WTIP: variants seen among roughly 807,000 people sequenced by gnomAD.
WTIP encodes WT1 interacting protein.
Under a neutral mutation model 41.7 loss-of-function variants are expected in WTIP, and 23 were observed. The observed-to-expected ratio is 0.55, with a 90% CI of 0.40 to 0.78. The LOEUF (loss-of-function observed/expected upper bound fraction) is 0.78, where lower values mean the gene tolerates loss of function less well. WTIP is among the 30% of genes least tolerant of loss of function. The probability of loss-of-function intolerance (pLI) is 0.00; values close to 1 mark genes in which losing one functional copy is unlikely to be tolerated. For synonymous variants in WTIP, 314 were observed against 269.9 expected (o/e 1.16, Z -1.60); for missense variants, 619 against 610.5 (o/e 1.01, Z -0.15).
In WTIP at chr19:34,506,092, C is replaced by T. The variant is rs549157930; in HGVS notation, c.*5823C>T. 1 of 152,390 alleles carries T rather than the reference C, an allele frequency of 6.6e-6. No homozygotes were observed. Among genetic ancestry groups the T allele is most frequent in the East Asian group, 1.9e-4 (1 of 5,182 alleles). 9.4% of individuals were successfully genotyped at this position (152,390 alleles called of 1,614,324 possible). A position where few individuals can be genotyped will look rare whatever the true frequency, so the allele number is the denominator to read the frequency against. ...TGCCCAGCCTAGTTCCCTTTCTCTTCTGCGCTCTGAATGTGCACTCCGCGT... is the reference window on the plus strand; with the variant it reads ...TGCCCAGCCTAGTTCCCTTTCTCTTTTGCGCTCTGAATGTGCACTCCGCGT... On this transcript the variant is annotated 3_prime_UTR_variant, in exon 8 of 8. Transcript: ENST00000590071.
In WTIP at chr19:34,506,189, T is replaced by C. The variant is rs573676377; in HGVS notation, c.*5920T>C. ...CGGAGCCTCTCTCGGAGGTGATGAGTGACTTTTCTCTTGCTGCCGTCAAGA... is the reference window on the plus strand; with the variant it reads ...CGGAGCCTCTCTCGGAGGTGATGAGCGACTTTTCTCTTGCTGCCGTCAAGA... On this transcript the variant is annotated 3_prime_UTR_variant, in exon 8 of 8. Transcript: ENST00000590071. 2 of 152,284 alleles carry C rather than the reference T, an allele frequency of 1.3e-5. No individual in the cohort carries two copies. The highest frequency in any genetic ancestry group is 2.4e-5 in the African/African-American group (1 of 41,532). The allele number at this position is 152,284 out of a possible 1,614,324, so 9.4% of individuals were successfully genotyped here.
chr19:34,486,452 C>T (rs1216104387), intron 1 of WTIP, among the ~76,000 whole-genome samples: 4 of 151,646 alleles, frequency 2.6e-5, no homozygotes, highest in African/African-American at 9.7e-5. Flanking sequence ...ACCGCAACCT[C>T]CGCCTCCCAG....
At chr19:34,482,752 G>T in intron 1 of WTIP, 111 bp downstream of exon 1, 4 of 1,200,404 alleles carry the variant, frequency 3.3e-6, no homozygotes, top group Non-Finnish European at 4.1e-6. Flanking sequence ...GGCTGGCTGG[G>T]GGTGCAGCAG....
chr19:34,482,157 C>A lies in WTIP; in HGVS notation c.183C>A (p.Ala61=). 9.3e-7 allele frequency: 1 copy of A among 1,073,698 alleles called. No individual in the cohort carries two copies. Among genetic ancestry groups the A allele is most frequent in the African/African-American group, 1.7e-5 (1 of 58,964 alleles). The allele number at this position is 1,073,698 out of a possible 1,614,324, so 66.5% of individuals were successfully genotyped here. ...GGAAGGGCAGCGGCGGCCCCGAGGCCGGGGCGGACGGACTGAGCCGCGGGG... is the reference window on the plus strand; with the variant it reads ...GGAAGGGCAGCGGCGGCCCCGAGGCAGGGGCGGACGGACTGAGCCGCGGGG... ...RRGKGSGGPE[A]GADGLSRGER... is the part of the protein sequence containing the mutation. Residue 61 remains alanine, a synonymous_variant, in exon 1 of 8, where the codon GCC becomes GCA. Coordinates refer to ENST00000590071, the MANE Select transcript of WTIP (RefSeq NM_001080436.2).
intron 1 of WTIP, among the ~76,000 whole-genome samples, chr19:34,484,922 C>A (rs1367139258): frequency 7.1e-6 from 1 of 140,080 alleles, no homozygotes; most frequent in Admixed American, 7.1e-5. Flanking sequence ...AGAGTGAGAT[C>A]CTGTCTTTTC....
chr19:34,496,683 G>A (rs2075855700), intron 7 of WTIP, among the ~76,000 whole-genome samples: 1 of 151,052 alleles, frequency 6.6e-6, no homozygotes, highest in South Asian at 2.1e-4. Context: ...GTTGGGGGTT[G>A]GGGGTTGGGA....
intron 7 of WTIP, 68 bp downstream of exon 7, chr19:34,495,839 G>T: frequency 6.6e-7 from 1 of 1,525,542 alleles, no homozygotes; most frequent in Non-Finnish European, 9.0e-7. Flanking sequence ...TCCTCTCTGG[G>T]TGTTCTGTGG....
rs2075772144 is a variant in WTIP, at chr19:34,482,369, C to G, written c.395C>G (p.Pro132Arg). 7.3e-7 allele frequency: 1 copy of G among 1,376,798 alleles called. No individual in the cohort carries two copies. Among genetic ancestry groups the G allele is most frequent in the Admixed American group, 3.0e-5 (1 of 33,872 alleles). The allele number at this position is 1,376,798 out of a possible 1,614,324, so 85.3% of individuals were successfully genotyped here. A position where few individuals can be genotyped will look rare whatever the true frequency, so the allele number is the denominator to read the frequency against. ...GGTCGCTCGGACCCGCGTCCCGGTC[C>G]CGGGCCGCCTTCGGTGGGCAGCGCC... ...RSGRSDPRPGPGPPSVGSARS... is the reference protein window; with the variant it reads ...RSGRSDPRPGRGPPSVGSARS... The change falls in exon 1 of 8, where the codon CCC (proline) becomes CGC (arginine). Residue 132 changes from proline to arginine, a missense_variant. Physicochemically the swap from Pro to Arg is moderately radical, Grantham distance 103. Around this residue, in one of 3 missense-constraint regions of WTIP, gnomAD observed 363 missense variants for 309.0 expected, o/e 1.17. Transcript: ENST00000590071.
Position 34,489,197 on chromosome 19 carries a change from T to TAAAAA in WTIP, c.668-1159_668-1155dup, listed in dbSNP as rs57433723. Among the ~76,000 whole-genome samples, 130 of 61,942 alleles carry TAAAAA rather than the reference T, an allele frequency of 2.1e-3. 6 individuals are homozygous for TAAAAA. Among genetic ancestry groups the TAAAAA allele is most frequent in the African/African-American group, 6.6e-3 (85 of 12,950 alleles). 40.6% of individuals were successfully genotyped at this position (61,942 alleles called of 152,430 possible). Reference sequence around the variant, plus strand: ...CTGGGCGACAGAGCGAGACTCTATCTAAAAAAAAAAAAAAAAAAAAAAAAT... The same window carrying TAAAAA: ...CTGGGCGACAGAGCGAGACTCTATCTAAAAAAAAAAAAAAAAAAAAAAAAAAAAAT... On this transcript the variant is annotated intron_variant, in intron 1 of 7. Transcript: ENST00000590071.
rs370072247 is a variant in WTIP, at chr19:34,490,467, C to T, written c.759C>T (p.Cys253=). Residue 253 remains cysteine, a synonymous_variant, in exon 2 of 8, where the codon TGC becomes TGT. Transcript: ENST00000590071. ...GSLYHTDCFT[C]DSCGRRLRGK... ...TTTATCACACTGACTGCTTCACCTG[C>T]GACTCGTGTGGTAGGTAACCTCGTG... The T allele has an allele frequency of 2.4e-5, 38 of 1,613,894 alleles. No individual in the cohort carries two copies. Among genetic ancestry groups the T allele is most frequent in the Non-Finnish European group, 2.8e-5 (33 of 1,179,844 alleles).
intron 1 of WTIP, among the ~76,000 whole-genome samples, chr19:34,489,294 C>T (rs536159112): frequency 8.6e-5 from 13 of 151,464 alleles, no homozygotes; most frequent in Non-Finnish European, 1.6e-4. Context: ...ACCTTCCACT[C>T]GATGCAAGCT....
Position 34,508,056 on chromosome 19 carries a change from T to G in WTIP, c.*7787T>G, listed in dbSNP as rs1239364370. ...GTCCTCTAAGGATCCCTCCTCATTC[T>G]CTGTTAGTGTGAGGTGGGACTTTTT... On this transcript the variant is annotated 3_prime_UTR_variant, in exon 8 of 8. Transcript: ENST00000590071. 1 of 152,130 alleles carries G rather than the reference T, an allele frequency of 6.6e-6. No homozygotes were observed. Among genetic ancestry groups the G allele is most frequent in the African/African-American group, 2.4e-5 (1 of 41,418 alleles). 9.4% of individuals were successfully genotyped at this position (152,130 alleles called of 1,614,324 possible).
Position 34,482,375 on chromosome 19 carries a change from C to G in WTIP, c.401C>G (p.Pro134Arg). Residue 134 changes from proline (P) to arginine (R), a missense_variant, in exon 1 of 8, where the codon CCG (proline) becomes CGG (arginine). This residue lies in a region of WTIP where 363 missense variants were observed against 309.0 expected (regional missense o/e 1.17). Transcript: ENST00000590071. ...TCGGACCCGCGTCCCGGTCCCGGGC[C>G]GCCTTCGGTGGGCAGCGCCCGCTCC... ...GRSDPRPGPG[P>R]PSVGSARSSV... The G allele has an allele frequency of 7.3e-7, 1 of 1,374,330 alleles. No homozygotes were observed. The highest frequency in any genetic ancestry group is 9.4e-7 in the Non-Finnish European group (1 of 1,061,060). 85.1% of individuals were successfully genotyped at this position (1,374,330 alleles called of 1,614,324 possible).
In WTIP at chr19:34,501,764, CA is replaced by C. The variant is rs2075888120; in HGVS notation, c.*1496del. On this transcript the variant is annotated 3_prime_UTR_variant, in exon 8 of 8. Coordinates refer to ENST00000590071, the MANE Select transcript of WTIP (RefSeq NM_001080436.2). ...ACCTGGTGGGCTGAGCCGGCAAGTA[CA>C]GGGGTGGTCAGGGAGCCTTAGCCAG... The C allele has an allele frequency of 6.6e-6, 1 of 152,412 alleles. No individual in the cohort carries two copies. Among genetic ancestry groups the C allele is most frequent in the African/African-American group, 2.4e-5 (1 of 41,466 alleles). The allele number at this position is 152,412 out of a possible 1,614,324, so 9.4% of individuals were successfully genotyped here.
intron 1 of WTIP, among the ~76,000 whole-genome samples, chr19:34,490,100 C>CT (rs1453497810): frequency 6.6e-6 from 1 of 152,202 alleles, no homozygotes; most frequent in Non-Finnish European, 1.5e-5. Context: ...CCAAAAGAAT[C>CT]TATCAGAACA....
At chr19:34,484,822 T>A (rs1043506883) in intron 1 of WTIP, among the ~76,000 whole-genome samples, 1 of 151,116 alleles carries the variant, frequency 6.6e-6, no homozygotes, top group Non-Finnish European at 1.5e-5. Flanking sequence ...CCCAGCACTT[T>A]GGGAGGCTGA....
At chr19:34,500,013 T>C (rs964606810) in intron 7 of WTIP, 116 bp from the exon 8 acceptor site, 9 of 1,414,266 alleles carry the variant, frequency 6.4e-6, no homozygotes, top group African/African-American at 4.2e-5. Context: ...AGAGTCTTCA[T>C]GTTGTTTTGC....
rs374972987 is a variant in WTIP at position 34,494,654 on chromosome 19, C to T, written c.1083+17C>T. 1.3e-3 allele frequency: 2,138 copies of T among 1,611,340 alleles called. 7 individuals are homozygous for T. The highest frequency in any genetic ancestry group is 1.7e-3 in the Non-Finnish European group (1,969 of 1,178,948). On this transcript the variant is annotated intron_variant, in intron 6 of 7. Transcript: ENST00000590071. Reference sequence around the variant, plus strand: ...CCTGCACAGGTAGGAGCCACTCACCCAGAGATGATCAGGTGCCTGGCCCAG... The same window carrying T: ...CCTGCACAGGTAGGAGCCACTCACCTAGAGATGATCAGGTGCCTGGCCCAG...
In WTIP at chr19:34,482,435, G is replaced by C; in HGVS notation, c.461G>C (p.Gly154Ala). Residue 154 changes from glycine to alanine, a missense_variant, in exon 1 of 8, where the codon GGC (glycine) becomes GCC (alanine). Physicochemically the swap from Gly to Ala is moderately conservative, Grantham distance 60 (BLOSUM62 0). Transcript: ENST00000590071. ...AGCCTCGGCTCCCGGGGCTCGGCCG[G>C]CGCCTACGCTGACTTCCTCCCGCCC... ...VSSLGSRGSA[G>A]AYADFLPPGA... The C allele has an allele frequency of 1.5e-6, 2 of 1,326,294 alleles. No individual in the cohort carries two copies. The highest frequency in any genetic ancestry group is 3.6e-5 in the South Asian group (2 of 55,782). 82.2% of individuals were successfully genotyped at this position (1,326,294 alleles called of 1,614,324 possible).
Sources: allele counts gnomAD v4.1 joint callset (sites outside exome capture counted in the v4.1 genomes callset), GRCh38; gene constraint gnomAD v4.1.1; regional missense constraint gnomAD v4.1.1; transcripts MANE v1.5; gene names NCBI Gene and HGNC (gene_info 2026-07-23, HGNC 2026-07-21).